Variants in PALLD observed in about 807,000 individuals in gnomAD.
PALLD encodes the protein palladin, cytoskeletal associated protein.
A neutral mutation model predicts 123.5 loss-of-function variants in PALLD; 61 were observed. That is an observed-to-expected ratio of 0.49 (90% CI 0.40 to 0.61). The LOEUF (loss-of-function observed/expected upper bound fraction) is 0.61, where lower values mean the gene tolerates loss of function less well. Ranked by LOEUF, PALLD falls within the 20% of genes least tolerant of loss-of-function variation. The pLI, the probability that PALLD is intolerant of heterozygous loss-of-function variation, is 0.00. For synonymous variants in PALLD, 465 were observed against 496.4 expected, an observed-to-expected ratio of 0.94 and a Z score of 0.84; for missense variants, 1,273 against 1,377.0, an observed-to-expected ratio of 0.92 and a Z score of 1.20.
rs1223364195 is a variant in PALLD, at chr4:168,894,606, C to T, written c.2128C>T (p.Arg710Cys). 5 of 1,613,108 alleles carry T rather than the reference C, an allele frequency of 3.1e-6. No homozygotes were observed. Among genetic ancestry groups the T allele is most frequent in the South Asian group, 2.2e-5 (2 of 91,026 alleles). The change falls in exon 12 of 22, where the codon CGT becomes TGT. Residue 710 changes from arginine (R) to cysteine (C), a missense_variant. Coordinates refer to ENST00000505667, the MANE Select transcript of PALLD (RefSeq NM_001166108.2). ...PRLTYEERMARRLLGADSATV... is the reference protein window; with the variant it reads ...PRLTYEERMACRLLGADSATV... ...GTTAACATACGAAGAAAGAATGGCTCGTCGACTGCTAGGTGCTGACAGTGC... is the reference window on the plus strand; with the variant it reads ...GTTAACATACGAAGAAAGAATGGCTTGTCGACTGCTAGGTGCTGACAGTGC...
Position 168,577,498 on chromosome 4 carries a change from A to T in PALLD, c.908+65086A>T, listed in dbSNP as rs957887636. ...GAAAAAAATGCATGACATTCACAGGATTGTAACATTTGTTAGCACCCATTT... is the reference window on the plus strand; with the variant it reads ...GAAAAAAATGCATGACATTCACAGGTTTGTAACATTTGTTAGCACCCATTT... On this transcript the variant is annotated intron_variant, in intron 2 of 21. Transcript: ENST00000505667. Among the ~76,000 whole-genome samples the T allele has an allele frequency of 2.6e-5, 4 of 152,140 alleles. No homozygotes were observed. The South Asian group carries it at 8.3e-4, about 31-fold the overall frequency.
intron 10 of PALLD, among the ~76,000 whole-genome samples, chr4:168,815,613 G>C (rs1351946436): frequency 6.6e-6 from 1 of 152,214 alleles, no homozygotes; most frequent in African/African-American, 2.4e-5. Flanking sequence ...GGCAGGGAGA[G>C]AACGTGCTTC....
intron 1 of PALLD, among the ~76,000 whole-genome samples, chr4:168,501,964 G>GAAA: frequency 6.6e-6 from 1 of 151,880 alleles, no homozygotes; most frequent in Non-Finnish European, 1.5e-5. Flanking sequence ...AGAAAATGCA[G>GAAA]ATCAAACCAA....
intron 2 of PALLD, among the ~76,000 whole-genome samples, chr4:168,640,937 G>A (rs1446988194): frequency 1.3e-5 from 2 of 152,122 alleles, no homozygotes; most frequent in Non-Finnish European, 2.9e-5. Context: ...GGCCGGGCAC[G>A]GTGGCCTACG....
chr4:168,669,364 G>A (rs1323710893), intron 3 of PALLD, among the ~76,000 whole-genome samples: 2 of 152,160 alleles, frequency 1.3e-5, no homozygotes, highest in African/African-American at 4.8e-5. Flanking sequence ...CCAGGAGTTT[G>A]AGACCAGACT....
intron 2 of PALLD, among the ~76,000 whole-genome samples, chr4:168,610,221 C>G (rs1438233280): frequency 6.6e-6 from 1 of 152,092 alleles, no homozygotes; most frequent in African/African-American, 2.4e-5. Context: ...CTTTATTCTC[C>G]TTGGCAGTCT....
At chr4:168,765,741 G>A (rs1446046022) in intron 10 of PALLD, among the ~76,000 whole-genome samples, 1 of 152,226 alleles carries the variant, frequency 6.6e-6, no homozygotes, top group African/African-American at 2.4e-5. Context: ...GAAATCCTGT[G>A]CCATACATTC....
intron 10 of PALLD, among the ~76,000 whole-genome samples, chr4:168,777,474 A>G: frequency 6.6e-6 from 1 of 152,020 alleles, no homozygotes; most frequent in African/African-American, 2.4e-5. Flanking sequence ...ATGATAAGAG[A>G]AAATGGAAAG....
At chr4:168,645,037 G>T (rs1420861269) in intron 2 of PALLD, among the ~76,000 whole-genome samples, 1 of 151,176 alleles carries the variant, frequency 6.6e-6, no homozygotes, top group Non-Finnish European at 1.5e-5. Context: ...GGAGGAGGTT[G>T]CAGTGAGCTG....
intron 8 of PALLD, among the ~76,000 whole-genome samples, chr4:168,696,731 GA>G (rs1444316319): frequency 7.2e-5 from 11 of 151,890 alleles, no homozygotes; most frequent in Non-Finnish European, 1.3e-4. Context: ...CAGAGTTCTT[GA>G]AATGAAAAGT....
chr4:168,706,744 G>A (rs571916302), intron 8 of PALLD, among the ~76,000 whole-genome samples: 7 of 151,902 alleles, frequency 4.6e-5, no homozygotes, highest in African/African-American at 1.7e-4. Context: ...CATATTACTT[G>A]GTAATACAAA....
intron 10 of PALLD, among the ~76,000 whole-genome samples, chr4:168,859,110 A>G (rs575409504): frequency 2.6e-5 from 4 of 152,324 alleles, no homozygotes; most frequent in Admixed American, 6.5e-5. Context: ...AACGTGTTAC[A>G]ACATTTTTGC....
At chr4:168,608,224 C>T in intron 2 of PALLD, among the ~76,000 whole-genome samples, 1 of 152,234 alleles carries the variant, frequency 6.6e-6, no homozygotes, top group African/African-American at 2.4e-5. Flanking sequence ...GAGCCCATTC[C>T]TGTGAGTAAC....
At chr4:168,661,944 C>T (rs1003558298) in intron 2 of PALLD, among the ~76,000 whole-genome samples, 4 of 152,034 alleles carry the variant, frequency 2.6e-5, no homozygotes, top group African/African-American at 9.7e-5. Flanking sequence ...AATATGCATT[C>T]AATAAATATT....
rs756756545 is a variant in PALLD, at chr4:168,890,990, A to C, written c.2033A>C (p.Asp678Ala). ...ASDEEIQGTK[D>A]AVIQDLERKL... ...GATGAGGAAATTCAAGGCACAAAGG[A>C]TGCTGTTATTCAAGACCTGGAACGA... The change falls in exon 11 of 22, where the codon GAT becomes GCT. Residue 678 changes from aspartate to alanine, a missense_variant. By Grantham distance (126) the Asp-to-Ala change is moderately radical. Coordinates refer to ENST00000505667, the MANE Select transcript of PALLD (RefSeq NM_001166108.2). The C allele has an allele frequency of 6.2e-7, 1 of 1,614,028 alleles. No homozygotes were observed. The highest frequency in any genetic ancestry group is 1.1e-5 in the South Asian group (1 of 91,080).
At chr4:168,779,287 T>TGG (rs1735575492) in intron 10 of PALLD, among the ~76,000 whole-genome samples, 1 of 152,186 alleles carries the variant, frequency 6.6e-6, no homozygotes, top group Non-Finnish European at 1.5e-5. Context: ...AAAGATTCTT[T>TGG]TTGCAATTTT....
intron 10 of PALLD, among the ~76,000 whole-genome samples, chr4:168,775,693 T>A (rs139330816): frequency 0.011 from 1,611 of 152,310 alleles, 14 homozygotes; most frequent in Non-Finnish European, 0.012. Context: ...TATGATCTAT[T>A]TTAAGTCAAT....
At chr4:168,718,535 C>T (rs1172430568) in intron 10 of PALLD, among the ~76,000 whole-genome samples, 2 of 152,210 alleles carry the variant, frequency 1.3e-5, no homozygotes, top group African/African-American at 4.8e-5. Context: ...CCATTACTTT[C>T]ATTTCTTTTC....
intron 10 of PALLD, among the ~76,000 whole-genome samples, chr4:168,759,179 C>CAAAAAAAAAAAAAAAAA (rs1175955888): frequency 1.1e-4 from 1 of 9,050 alleles, no homozygotes; most frequent in Non-Finnish European, 1.5e-4. Flanking sequence ...GACTCCATCT[C>CAAAAAAAAAAAAAAAAA]AAAAAAAAAA....
Sources: allele counts gnomAD v4.1 joint callset (sites outside exome capture counted in the v4.1 genomes callset), GRCh38; gene constraint gnomAD v4.1.1; transcripts MANE v1.5; gene names NCBI Gene and HGNC (gene_info 2026-07-23, HGNC 2026-07-21).